The following CHD6 variants were observed in gnomAD, a reference collection of about 807,000 sequenced individuals.
CHD6 encodes chromodomain helicase DNA binding protein 6.
CHD6 carries 50 observed loss-of-function variants against 276.9 expected under a neutral mutation model. That is an observed-to-expected ratio of 0.18 (90% CI 0.14 to 0.23). CHD6 has a LOEUF of 0.23. Ranked by LOEUF, CHD6 falls within the 10% of genes least tolerant of loss-of-function variation. The pLI is 1.00. For missense variants in CHD6, 2,564 were observed against 3,365.8 expected, an observed-to-expected ratio of 0.76 and a Z score of 5.89; for synonymous variants, 1,173 against 1,229.3, an observed-to-expected ratio of 0.95 and a Z score of 0.96.
intron 3 of CHD6, among the ~76,000 whole-genome samples, chr20:41,517,633 G>T (rs549842760): frequency 1.3e-5 from 2 of 151,948 alleles, no homozygotes; most frequent in African/African-American, 4.9e-5. Context: ...ATTTTCACAT[G>T]AGTCTTTATC....
intron 1 of CHD6, among the ~76,000 whole-genome samples, chr20:41,562,107 C>CAA (rs200062032): frequency 6.7e-6 from 1 of 149,510 alleles, no homozygotes. Flanking sequence ...TCATTTACAA[C>CAA]AAAACAAAAA....
chr20:41,480,323 T>C (rs532154909), intron 16 of CHD6, among the ~76,000 whole-genome samples: 8 of 152,302 alleles, frequency 5.3e-5, no homozygotes, highest in African/African-American at 1.9e-4. Flanking sequence ...AACTGATGTG[T>C]TGGAACATAA....
intron 16 of CHD6, among the ~76,000 whole-genome samples, chr20:41,477,604 A>C (rs1384864980): frequency 6.6e-6 from 1 of 152,202 alleles, no homozygotes; most frequent in Admixed American, 6.5e-5. Context: ...TAGTAAAATG[A>C]CAGTAAAGGA....
intron 28 of CHD6, among the ~76,000 whole-genome samples, chr20:41,425,838 T>G (rs1039302227): frequency 2.0e-5 from 3 of 152,120 alleles, no homozygotes; most frequent in Non-Finnish European, 4.4e-5. Flanking sequence ...TCACAATTCC[T>G]TTTTACCTCT....
intron 3 of CHD6, among the ~76,000 whole-genome samples, chr20:41,517,490 C>T (rs1308853637): frequency 6.6e-6 from 1 of 152,118 alleles, no homozygotes; most frequent in East Asian, 1.9e-4. Flanking sequence ...CTCTAGGGGT[C>T]ATGCCATTTT....
intron 2 of CHD6, among the ~76,000 whole-genome samples, chr20:41,535,637 C>G (rs1268855180): frequency 6.6e-6 from 1 of 152,036 alleles, no homozygotes; most frequent in Non-Finnish European, 1.5e-5. Context: ...GGTGGGAGAA[C>G]CACTTGAGGT....
At chr20:41,477,224 G>A (rs576727202) in intron 16 of CHD6, among the ~76,000 whole-genome samples, 2 of 152,118 alleles carry the variant, frequency 1.3e-5, no homozygotes, top group African/African-American at 2.4e-5. Flanking sequence ...TTGGGAGACA[G>A]AGCAATACCC....
chr20:41,515,948 G>T lies in CHD6; in HGVS notation c.555-996C>A, dbSNP rs541114327. On this transcript the variant is annotated intron_variant, in intron 3 of 36. Coordinates refer to ENST00000373233, the MANE Select transcript of CHD6 (RefSeq NM_032221.5). ...GGATAGATGGATGCATTAATGAATG[G>T]CTATGATTAACTGTGAATGGGGAGA... Among the ~76,000 whole-genome samples the T allele has an allele frequency of 2.4e-4, 36 of 152,282 alleles. No homozygotes were observed. In the East Asian group the frequency reaches 6.7e-3, roughly 29 times the overall value.
intron 36 of CHD6, among the ~76,000 whole-genome samples, chr20:41,408,516 T>G (rs189122188): frequency 2.6e-5 from 4 of 152,264 alleles, no homozygotes; most frequent in Admixed American, 2.6e-4. Flanking sequence ...AGCTCATCAA[T>G]GCAAATCGTC....
chr20:41,607,802 A>G (rs2045845871), intron 1 of CHD6, among the ~76,000 whole-genome samples: 1 of 151,600 alleles, frequency 6.6e-6, no homozygotes, highest in Admixed American at 6.6e-5. Context: ...AAAAAAGCTC[A>G]GTGCTTTAAA....
intron 1 of CHD6, among the ~76,000 whole-genome samples, chr20:41,596,123 T>C (rs1216075929): frequency 2.6e-5 from 4 of 152,138 alleles, no homozygotes; most frequent in Non-Finnish European, 5.9e-5. Context: ...TCACCCCACA[T>C]TCCTATGGAG....
chr20:41,472,127 A>C (rs1463669723), intron 17 of CHD6, among the ~76,000 whole-genome samples: 1 of 151,974 alleles, frequency 6.6e-6, no homozygotes, highest in African/African-American at 2.4e-5. Context: ...CCAGCTACGC[A>C]GGAGGCTGAG....
intron 12 of CHD6, 130 bp from the exon 13 acceptor site, chr20:41,488,734 CAT>C: frequency 2.7e-6 from 2 of 730,112 alleles, no homozygotes; most frequent in Admixed American, 3.2e-5. Context: ...TGCTTTTCCT[CAT>C]GTGAGAAAAG....
intron 27 of CHD6, among the ~76,000 whole-genome samples, chr20:41,435,754 A>T (rs971147981): frequency 6.6e-6 from 1 of 152,210 alleles, no homozygotes; most frequent in South Asian, 2.1e-4. Flanking sequence ...TGTGGATAAG[A>T]TTATTCTAAC....
At chr20:41,556,322 G>GAGAGGA (rs1385874679) in intron 1 of CHD6, among the ~76,000 whole-genome samples, 1 of 120,434 alleles carries the variant, frequency 8.3e-6, no homozygotes, top group Non-Finnish European at 1.6e-5. Flanking sequence ...GAGGGAGAGG[G>GAGAGGA]CACCTTTTTT....
chr20:41,414,593 A>T (rs2046937776), intron 34 of CHD6: 1 of 187,782 alleles, frequency 5.3e-6, no homozygotes, highest in Admixed American at 6.0e-5. Flanking sequence ...TTGGCCAGGT[A>T]TACGGTTTCT....
rs572447937 is a variant in CHD6, at chr20:41,432,160, C to CAAAA, written c.4068+5110_4068+5113dup. Among the ~76,000 whole-genome samples, 14 of 58,986 alleles carry CAAAA rather than the reference C, an allele frequency of 2.4e-4. 1 individual carries two copies. In the South Asian group the frequency reaches 6.5e-3, roughly 28 times the overall value. 38.7% of individuals were successfully genotyped at this position (58,986 alleles called of 152,430 possible). On this transcript the variant is annotated intron_variant, in intron 27 of 36. Transcript: ENST00000373233. The stretch of plus-strand genomic sequence containing the variant: ...GGGCAGCAAGAGTAAAACTCCGTCT[C>CAAAA]AAAAAAAAAAAAAAAAAAAGAAGCG...
At chr20:41,499,881 T>A (rs144389641) in intron 5 of CHD6, among the ~76,000 whole-genome samples, 1 of 152,238 alleles carries the variant, frequency 6.6e-6, no homozygotes, top group East Asian at 1.9e-4. Flanking sequence ...CTATTCAAAA[T>A]CAAGGTATAA....
rs758874829 is a variant in CHD6 at position 41,483,527 on chromosome 20, G to A, written c.2258-8C>T. On this transcript the variant is annotated splice_region_variant and splice_polypyrimidine_tract_variant and intron_variant, in intron 15 of 36. Transcript: ENST00000373233. Reference sequence around the variant, plus strand: ...GAATTTTCTCCTCTGCTCCTGAAAAGGAATGGAACAAAACTATTCCTCGGA... The same window carrying A: ...GAATTTTCTCCTCTGCTCCTGAAAAAGAATGGAACAAAACTATTCCTCGGA... 1 of 1,595,262 alleles carries A rather than the reference G, an allele frequency of 6.3e-7. No homozygotes were observed. Among genetic ancestry groups the A allele is most frequent in the Non-Finnish European group, 8.6e-7 (1 of 1,166,560 alleles).
Sources: gnomAD v4.1 joint callset for allele counts (sites outside exome capture counted in the v4.1 genomes callset) on GRCh38, gnomAD v4.1.1 for gene constraint, MANE v1.5 for transcripts, NCBI Gene and HGNC (gene_info 2026-07-23, HGNC 2026-07-21) for gene names.